The following NREP variants were observed in gnomAD, a reference collection of about 807,000 sequenced individuals.
NREP encodes the protein neuronal regeneration-related protein.
In NREP, 5 loss-of-function variants were observed where a neutral mutation model predicts 8.6. The observed-to-expected ratio is 0.58, with a 90% confidence interval of 0.30 to 1.22. The LOEUF is 1.22. Ranked by LOEUF, NREP falls within the 50% of genes most tolerant of loss-of-function variation. The pLI is 0.07. For missense variants in NREP, 86 were observed against 82.5 expected (o/e 1.04, Z -0.17); for synonymous variants, 27 against 28.0 (o/e 0.96, Z 0.11).
intron 2 of NREP, among the ~76,000 whole-genome samples, chr5:111,765,800 T>TG (rs955111587): frequency 1.3e-5 from 2 of 152,008 alleles, no homozygotes; most frequent in African/African-American, 4.8e-5. Context: ...TCCTTCTTGA[T>TG]TTTTTTTGCT....
intron 2 of NREP, among the ~76,000 whole-genome samples, chr5:111,923,337 T>G (rs1355571847): frequency 6.6e-6 from 1 of 152,176 alleles, no homozygotes; most frequent in African/African-American, 2.4e-5. Flanking sequence ...GAGGGTCCAG[T>G]CTGGATTTTC....
At chr5:111,818,385 G>A (rs930559524) in intron 2 of NREP, among the ~76,000 whole-genome samples, 1 of 152,162 alleles carries the variant, frequency 6.6e-6, no homozygotes, top group Non-Finnish European at 1.5e-5. Flanking sequence ...TGGTGTTATA[G>A]AGATATGGGT....
chr5:111,955,996 T>C (rs968709382), intron 2 of NREP, among the ~76,000 whole-genome samples: 1 of 151,940 alleles, frequency 6.6e-6, no homozygotes, highest in Non-Finnish European at 1.5e-5. Flanking sequence ...TAGTTTCCCA[T>C]GTAATTCCAA....
intron 2 of NREP, among the ~76,000 whole-genome samples, chr5:111,903,139 A>G (rs992614145): frequency 2.6e-4 from 34 of 132,408 alleles, no homozygotes; most frequent in African/African-American, 9.3e-4. Context: ...GCTGGTGTTC[A>G]GTGGCACAAT....
Position 111,793,423 on chromosome 5 carries a change from T to A in NREP, c.136-57916A>T, listed in dbSNP as rs527532653. Among the ~76,000 whole-genome samples, 338 of 152,160 alleles carry A rather than the reference T, an allele frequency of 2.2e-3. 4 individuals are homozygous for A. The highest frequency in any genetic ancestry group is 1.1e-3 in the Non-Finnish European group (75 of 68,002). ...AAGGCCTGGGATCCAGGAGCTCCAATAACCGAAGGCAGGAGAAGATAATTG... is the reference window on the plus strand; with the variant it reads ...AAGGCCTGGGATCCAGGAGCTCCAAAAACCGAAGGCAGGAGAAGATAATTG... On this transcript the variant is annotated intron_variant, in intron 2 of 3. Coordinates refer to the NREP transcript ENST00000395634.
intron 2 of NREP, among the ~76,000 whole-genome samples, chr5:111,885,429 C>T (rs370588751): frequency 2.0e-5 from 3 of 151,492 alleles, no homozygotes; most frequent in Non-Finnish European, 3.0e-5. Flanking sequence ...CAATGCCATC[C>T]CCATCAAGCT....
chr5:111,893,252 C>T (rs1754434884), intron 2 of NREP, among the ~76,000 whole-genome samples: 1 of 152,108 alleles, frequency 6.6e-6, no homozygotes, highest in South Asian at 2.1e-4. Context: ...CAGTTCAGAA[C>T]TAAATAGGGA....
intron 2 of NREP, among the ~76,000 whole-genome samples, chr5:111,815,701 T>C (rs1038249203): frequency 1.3e-5 from 2 of 151,930 alleles, no homozygotes; most frequent in Non-Finnish European, 2.9e-5. Context: ...GTAAAAAATA[T>C]TCAAACCGAA....
At chr5:111,821,426 A>C (rs1000857664) in intron 2 of NREP, among the ~76,000 whole-genome samples, 1 of 152,228 alleles carries the variant, frequency 6.6e-6, no homozygotes, top group South Asian at 2.1e-4. Context: ...GTGTACATGA[A>C]AAACAAAACT....
chr5:111,822,958 A>G (rs192798437), intron 2 of NREP, among the ~76,000 whole-genome samples: 1 of 152,358 alleles, frequency 6.6e-6, no homozygotes, highest in East Asian at 1.9e-4. Context: ...ATGTTGCTGT[A>G]AAGGAATACT....
chr5:111,970,386 A>G (rs888661931), intron 2 of NREP, among the ~76,000 whole-genome samples: 2 of 152,190 alleles, frequency 1.3e-5, no homozygotes, highest in African/African-American at 2.4e-5. Flanking sequence ...ACGTTCCTAC[A>G]GGATTTACCT....
At chr5:111,862,696 G>T (rs1458868984) in intron 2 of NREP, among the ~76,000 whole-genome samples, 4 of 151,876 alleles carry the variant, frequency 2.6e-5, no homozygotes, top group Non-Finnish European at 2.9e-5. Flanking sequence ...TATGTTCTGG[G>T]AACACAGCAG....
intron 2 of NREP, among the ~76,000 whole-genome samples, chr5:111,888,949 T>C (rs1286984146): frequency 1.3e-5 from 2 of 152,154 alleles, no homozygotes; most frequent in African/African-American, 4.8e-5. Flanking sequence ...TAGATTTCCA[T>C]AAATATATAA....
chr5:111,925,286 G>A (rs1755355484), intron 2 of NREP, among the ~76,000 whole-genome samples: 1 of 151,150 alleles, frequency 6.6e-6, no homozygotes, highest in Non-Finnish European at 1.5e-5. Context: ...GTCTCTGCAG[G>A]CAGTCCGACC....
At chr5:111,810,895 G>A (rs1752254389) in intron 2 of NREP, among the ~76,000 whole-genome samples, 1 of 152,104 alleles carries the variant, frequency 6.6e-6, no homozygotes. Context: ...TCTTTCAAGT[G>A]CATTACAAGT....
chr5:111,904,067 G>A (rs1173707578), intron 2 of NREP, among the ~76,000 whole-genome samples: 3 of 152,092 alleles, frequency 2.0e-5, no homozygotes, highest in Non-Finnish European at 4.4e-5. Flanking sequence ...TATTTTTGGA[G>A]TAATTTTAGG....
intron 2 of NREP, among the ~76,000 whole-genome samples, chr5:111,859,631 C>G (rs1401056749): frequency 6.6e-6 from 1 of 152,040 alleles, no homozygotes; most frequent in Non-Finnish European, 1.5e-5. Context: ...GCTGGCTCAC[C>G]CCTCTTCTAC....
chr5:111,852,231 GC>G (rs1329321012), intron 2 of NREP, among the ~76,000 whole-genome samples: 1 of 152,148 alleles, frequency 6.6e-6, no homozygotes, highest in Non-Finnish European at 1.5e-5. Context: ...AGGAAGGATG[GC>G]AAGTGAGGGA....
At chr5:111,883,567 T>A (rs553387637) in intron 2 of NREP, among the ~76,000 whole-genome samples, 4 of 152,282 alleles carry the variant, frequency 2.6e-5, no homozygotes, top group South Asian at 4.1e-4. Flanking sequence ...GACCACATAC[T>A]TGGAAGTAAA....
Sources: gnomAD v4.1 joint callset for allele counts (sites outside exome capture counted in the v4.1 genomes callset) on GRCh38, gnomAD v4.1.1 for gene constraint, MANE v1.5 for transcripts, NCBI Gene and HGNC (gene_info 2026-07-23, HGNC 2026-07-21) for gene names.